TTLL11: variants seen among roughly 807,000 people sequenced by gnomAD.
The protein encoded by TTLL11 is tubulin tyrosine ligase like 11, also known as tubulin polyglutamylase TTLL11.
A neutral mutation model predicts 51.7 loss-of-function variants in TTLL11; 42 were observed. The ratio of observed to expected loss-of-function variants is 0.81; its 90% CI spans 0.64 to 1.05. The LOEUF is 1.05. TTLL11 is among the 50% of genes least tolerant of loss of function. The pLI is 0.00. For missense variants in TTLL11, 799 were observed against 940.4 expected, an observed-to-expected ratio of 0.85 and a Z score of 1.97; for synonymous variants, 381 against 383.5, an observed-to-expected ratio of 0.99 and a Z score of 0.08.
intron 6 of TTLL11, among the ~76,000 whole-genome samples, chr9:121,908,157 G>T (rs1315511545): frequency 2.0e-5 from 3 of 152,168 alleles, no homozygotes. Flanking sequence ...TCTTCTGGTG[G>T]GTAGAAGACT....
intron 3 of TTLL11, among the ~76,000 whole-genome samples, chr9:122,031,174 A>C (rs77409339): frequency 0.022 from 3,392 of 152,290 alleles, 126 homozygotes; most frequent in African/African-American, 0.077. Flanking sequence ...CCACTTCACA[A>C]TCAGTGGTGA....
At chr9:121,914,826 A>G (rs1840266014) in intron 6 of TTLL11, among the ~76,000 whole-genome samples, 1 of 152,130 alleles carries the variant, frequency 6.6e-6, no homozygotes. Flanking sequence ...TCCCTAGGCT[A>G]TCTGGGAATG....
Position 121,869,594 on chromosome 9 carries a change from ATATATC to A in TTLL11, c.1733+897_1733+902del, listed in dbSNP as rs1838284023. Among the ~76,000 whole-genome samples the A allele has an allele frequency of 8.5e-5, 13 of 152,322 alleles. No individual in the cohort carries two copies. The South Asian group carries it at 2.7e-3, about 32-fold the overall frequency. ...ATCGAGACTCTGTGTAGGACCATAT[ATATATC>A]TATATGAATTATATATAAACATACA... On this transcript the variant is annotated intron_variant, in intron 7 of 8. Coordinates refer to ENST00000321582, the MANE Select transcript of TTLL11 (RefSeq NM_001139442.2).
intron 1 of TTLL11, among the ~76,000 whole-genome samples, chr9:122,079,137 T>C (rs1386364872): frequency 1.3e-5 from 2 of 152,184 alleles, no homozygotes; most frequent in African/African-American, 2.4e-5. Flanking sequence ...TGTTTAACAT[T>C]TGAGGAACTG....
rs754358677 is a variant in TTLL11, at chr9:121,894,475, T to C, written c.1482-23727A>G. Among the ~76,000 whole-genome samples, 6 of 152,288 alleles carry C rather than the reference T, an allele frequency of 3.9e-5. No homozygotes were observed. In the East Asian group the frequency reaches 5.8e-4, roughly 15 times the overall value. On this transcript the variant is annotated intron_variant, in intron 6 of 8. Transcript: ENST00000321582. ...ATGTTTATTGCAGCACTAGTCACAA[T>C]AGCAAAGACTTGGAACCAACCCAAA...
At position 121,816,643 on chromosome 9, in the gene TTLL11, C is replaced by A. The variant is rs1482251654; in HGVS notation, c.*5944G>T. ...TGTGTGCATGTGTGGTGTGTGCGCG[C>A]ACATGCGTGTGTGTGCATGTGTGCG... On this transcript the variant is annotated 3_prime_UTR_variant, in exon 9 of 9. Coordinates refer to ENST00000321582, the MANE Select transcript of TTLL11 (RefSeq NM_001139442.2). 1 of 149,058 alleles carries A rather than the reference C, an allele frequency of 6.7e-6. No homozygotes were observed. Among genetic ancestry groups the A allele is most frequent in the Admixed American group, 6.7e-5 (1 of 15,036 alleles). The allele number at this position is 149,058 out of a possible 1,614,324, so 9.2% of individuals were successfully genotyped here.
At position 121,970,610 on chromosome 9, in the gene TTLL11, A is replaced by C. The variant is rs1210028434; in HGVS notation, c.1481+3399T>G. 2.6e-5 allele frequency among the ~76,000 whole-genome samples: 4 copies of C among 152,260 alleles called. No homozygotes were observed. In the East Asian group the frequency reaches 7.7e-4, roughly 29 times the overall value. On this transcript the variant is annotated intron_variant, in intron 6 of 8. Transcript: ENST00000321582. ...AAGATATGAAAAAAAGCTCATCATCACTGGTCATTAGAGAAATGCAAATCA... is the reference window on the plus strand; with the variant it reads ...AAGATATGAAAAAAAGCTCATCATCCCTGGTCATTAGAGAAATGCAAATCA...
chr9:121,905,414 C>A (rs374751429), intron 6 of TTLL11, among the ~76,000 whole-genome samples: 10 of 151,272 alleles, frequency 6.6e-5, no homozygotes, highest in Non-Finnish European at 1.2e-4. Flanking sequence ...TGAGATGGCA[C>A]GAACTCGGCT....
At position 122,005,529 on chromosome 9, in the gene TTLL11, T is replaced by C. The variant is rs1326095390; in HGVS notation, c.694-15759A>G. Reference sequence around the variant, plus strand: ...GCTAAGAGGTCACAAACCTTCTTGCTGGTGCCCTCTCTGCACACAAGTTCT... The same window carrying C: ...GCTAAGAGGTCACAAACCTTCTTGCCGGTGCCCTCTCTGCACACAAGTTCT... On this transcript the variant is annotated intron_variant, in intron 3 of 8. Transcript: ENST00000321582. Among the ~76,000 whole-genome samples the C allele has an allele frequency of 2.6e-5, 4 of 152,340 alleles. No individual in the cohort carries two copies. The East Asian group carries it at 7.7e-4, about 29-fold the overall frequency.
intron 6 of TTLL11, among the ~76,000 whole-genome samples, chr9:121,914,288 G>T (rs1259951241): frequency 6.6e-6 from 1 of 152,232 alleles, no homozygotes; most frequent in African/African-American, 2.4e-5. Flanking sequence ...ATGTGGCAGA[G>T]ATAGCCTGGC....
rs1313066430 is a variant in TTLL11 at position 121,908,105 on chromosome 9, C to A, written c.1482-37357G>T. Among the ~76,000 whole-genome samples the A allele has an allele frequency of 2.0e-5, 3 of 152,162 alleles. No individual in the cohort carries two copies. The East Asian group carries it at 5.8e-4, about 29-fold the overall frequency. On this transcript the variant is annotated intron_variant, in intron 6 of 8. Transcript: ENST00000321582. ...TCGACACTGATGTCTAGCATTCAAA[C>A]ATAAAGAATGTGGAATGCATAAGAA...
At chr9:121,897,619 C>A (rs1839576014) in intron 6 of TTLL11, among the ~76,000 whole-genome samples, 1 of 114,488 alleles carries the variant, frequency 8.7e-6, no homozygotes, top group South Asian at 2.7e-4. Context: ...TCCCTCCAGG[C>A]ACACACACAC....
chr9:122,035,905 G>A lies in TTLL11; in HGVS notation c.559+3367C>T, dbSNP rs567386052. 1.6e-4 allele frequency among the ~76,000 whole-genome samples: 24 copies of A among 152,104 alleles called. 1 individual carries two copies. The South Asian group carries it at 3.8e-3, about 24-fold the overall frequency. ...CCCTCCCCTGCCCTGCTCACCTGACGCCCTCTAACCATGGTAGGCCACTTG... is the reference window on the plus strand; with the variant it reads ...CCCTCCCCTGCCCTGCTCACCTGACACCCTCTAACCATGGTAGGCCACTTG... On this transcript the variant is annotated intron_variant, in intron 2 of 8. Coordinates refer to ENST00000321582, the MANE Select transcript of TTLL11 (RefSeq NM_001139442.2).
At position 122,080,097 on chromosome 9, in the gene TTLL11, ACAC is replaced by A. The variant is rs1164590474; in HGVS notation, c.462+12587_462+12589del. Among the ~76,000 whole-genome samples, 10 of 152,324 alleles carry A rather than the reference ACAC, an allele frequency of 6.6e-5. No individual in the cohort carries two copies. In the East Asian group the frequency reaches 1.9e-3, roughly 29 times the overall value. On this transcript the variant is annotated intron_variant, in intron 1 of 8. Transcript: ENST00000321582. The stretch of plus-strand genomic sequence containing the variant: ...CTGTTTCAAATTAGGCATAATGGCC[ACAC>A]CAAAATAGCCATATCAAAATGCCCC...
Position 121,968,761 on chromosome 9 carries a change from A to G in TTLL11, c.1481+5248T>C, listed in dbSNP as rs556723278. Among the ~76,000 whole-genome samples the G allele has an allele frequency of 5.9e-5, 9 of 151,820 alleles. No individual in the cohort carries two copies. The South Asian group carries it at 1.7e-3, about 28-fold the overall frequency. On this transcript the variant is annotated intron_variant, in intron 6 of 8. Coordinates refer to ENST00000321582, the MANE Select transcript of TTLL11 (RefSeq NM_001139442.2). ...TTTTTAGTAGAGACAGGGTTTCACC[A>G]TATTGGCCAGGCTGGTCTCAAACTC...
intron 7 of TTLL11, among the ~76,000 whole-genome samples, chr9:121,864,369 A>T (rs1838117696): frequency 6.6e-6 from 1 of 152,224 alleles, no homozygotes; most frequent in East Asian, 1.9e-4. Context: ...GAGTGGAAGG[A>T]TAAATTCTTC....
At chr9:121,893,711 T>C (rs908431930) in intron 6 of TTLL11, among the ~76,000 whole-genome samples, 1 of 152,140 alleles carries the variant, frequency 6.6e-6, no homozygotes, top group Non-Finnish European at 1.5e-5. Context: ...CACAGAGAGC[T>C]GTAGGTAAGG....
intron 3 of TTLL11, among the ~76,000 whole-genome samples, chr9:122,028,755 A>G (rs763637930): frequency 2.4e-4 from 37 of 152,220 alleles, no homozygotes; most frequent in South Asian, 2.1e-4. Flanking sequence ...ACTCATCAAG[A>G]TGGACAATGT....
At chr9:122,013,454 A>G (rs991799241) in intron 3 of TTLL11, among the ~76,000 whole-genome samples, 1 of 152,164 alleles carries the variant, frequency 6.6e-6, no homozygotes. Flanking sequence ...GCAGTGAAGA[A>G]GAGGAGGAAG....
Sources: gnomAD v4.1 joint callset for allele counts (sites outside exome capture counted in the v4.1 genomes callset) on GRCh38, gnomAD v4.1.1 for gene constraint, MANE v1.5 for transcripts, NCBI Gene and HGNC (gene_info 2026-07-23, HGNC 2026-07-21) for gene names.